CHRNA7: variants seen among roughly 807,000 people sequenced by gnomAD.
CHRNA7 encodes cholinergic receptor nicotinic alpha 7 subunit.
Under a neutral mutation model 48.0 loss-of-function variants are expected in CHRNA7, and 17 were observed. That is an observed-to-expected ratio of 0.35 (90% CI 0.24 to 0.53). The LOEUF is 0.53. Among genes scored for constraint, CHRNA7 ranks in the 20% least tolerant of loss-of-function variants. The pLI is 0.92. For missense variants in CHRNA7, 155 were observed against 577.7 expected (o/e 0.27, Z 7.50); for synonymous variants, 75 against 242.3 (o/e 0.31, Z 6.41).
chr15:32,127,248 G>A (rs1031978566), intron 4 of CHRNA7, among the ~76,000 whole-genome samples: 6 of 152,032 alleles, frequency 3.9e-5, no homozygotes, highest in Admixed American at 1.3e-4. Flanking sequence ...TCAGTTTTTC[G>A]CTATTGCAAT....
chr15:32,108,582 T>C (rs2050710301), intron 3 of CHRNA7, among the ~76,000 whole-genome samples: 1 of 152,162 alleles, frequency 6.6e-6, no homozygotes, highest in Non-Finnish European at 1.5e-5. Context: ...CTGTGGGGGT[T>C]GCTGGTGGGG....
chr15:32,038,917 A>G (rs2049398689), intron 2 of CHRNA7, among the ~76,000 whole-genome samples: 1 of 152,112 alleles, frequency 6.6e-6, no homozygotes. Context: ...TTGGAAGGTT[A>G]TTATTATTTG....
chr15:32,072,556 G>A (rs1044370195), intron 2 of CHRNA7, among the ~76,000 whole-genome samples: 3 of 152,228 alleles, frequency 2.0e-5, no homozygotes, highest in Non-Finnish European at 2.9e-5. Context: ...AAAAGGCCTT[G>A]AAGGGGTCTC....
chr15:32,104,279 C>A (rs6494224), intron 3 of CHRNA7, among the ~76,000 whole-genome samples: 11 of 152,178 alleles, frequency 7.2e-5, no homozygotes, highest in African/African-American at 2.2e-4. Flanking sequence ...CGTGCCCCCC[C>A]CTCAGGGCCT....
At chr15:32,118,859 A>C (rs530300810) in intron 4 of CHRNA7, among the ~76,000 whole-genome samples, 2 of 152,186 alleles carry the variant, frequency 1.3e-5, no homozygotes, top group African/African-American at 4.8e-5. Context: ...GGTCAGGGAG[A>C]GACCAGGAGA....
intron 3 of CHRNA7, among the ~76,000 whole-genome samples, chr15:32,106,773 T>A (rs2050676770): frequency 1.3e-5 from 2 of 152,232 alleles, no homozygotes; most frequent in South Asian, 4.1e-4. Flanking sequence ...GTCCCAGCCT[T>A]CCTGGGTCCT....
intron 4 of CHRNA7, among the ~76,000 whole-genome samples, chr15:32,121,238 G>A (rs907291959): frequency 6.6e-6 from 1 of 152,178 alleles, no homozygotes; most frequent in Non-Finnish European, 1.5e-5. Context: ...GCTGTCAGTC[G>A]GCCGGGTGGT....
At chr15:32,048,491 T>C (rs1175721894) in intron 2 of CHRNA7, among the ~76,000 whole-genome samples, 1 of 152,248 alleles carries the variant, frequency 6.6e-6, no homozygotes, top group African/African-American at 2.4e-5. Flanking sequence ...TGATAGTTTG[T>C]ATTTCTGTGG....
chr15:32,143,299 T>C (rs1473780115), intron 4 of CHRNA7, among the ~76,000 whole-genome samples: 1 of 152,226 alleles, frequency 6.6e-6, no homozygotes, highest in Admixed American at 6.5e-5. Flanking sequence ...TTTCTTGTGA[T>C]TTCTGTTCTT....
At chr15:32,044,839 A>G (rs2049511606) in intron 2 of CHRNA7, among the ~76,000 whole-genome samples, 1 of 152,218 alleles carries the variant, frequency 6.6e-6, no homozygotes, top group Non-Finnish European at 1.5e-5. Flanking sequence ...CTCAAGAAAA[A>G]GAATTATCTG....
chr15:32,121,831 T>A (rs1356600613), intron 4 of CHRNA7, among the ~76,000 whole-genome samples: 1 of 152,094 alleles, frequency 6.6e-6, no homozygotes, highest in Non-Finnish European at 1.5e-5. Flanking sequence ...TGGAAGGGAC[T>A]AAATGTGGCA....
intron 2 of CHRNA7, among the ~76,000 whole-genome samples, chr15:32,060,888 C>G (rs2049867859): frequency 6.6e-6 from 1 of 152,126 alleles, no homozygotes; most frequent in African/African-American, 2.4e-5. Flanking sequence ...GCTGCTGAAG[C>G]AGGCATCAGA....
chr15:32,137,585 A>G (rs1293448654), intron 4 of CHRNA7, among the ~76,000 whole-genome samples: 1 of 152,246 alleles, frequency 6.6e-6, no homozygotes, highest in African/African-American at 2.4e-5. Context: ...GTAAGTATGT[A>G]GGAGTTTTGA....
intron 2 of CHRNA7, among the ~76,000 whole-genome samples, chr15:32,073,199 G>C (rs927327307): frequency 6.6e-6 from 1 of 152,208 alleles, no homozygotes; most frequent in African/African-American, 2.4e-5. Flanking sequence ...AGTGTACCCA[G>C]GATGCGGGAC....
At chr15:32,122,887 C>CAAAAAAAAAAAAAAAAAAAA (rs61151556) in intron 4 of CHRNA7, among the ~76,000 whole-genome samples, 1 of 107,918 alleles carries the variant, frequency 9.3e-6, no homozygotes, top group East Asian at 3.4e-4. Context: ...GCTCTCAAAG[C>CAAAAAAAAAAAAAAAAAAAA]AAAAAAAAAA....
intron 2 of CHRNA7, among the ~76,000 whole-genome samples, chr15:32,079,194 C>T (rs1566823859): frequency 6.6e-6 from 1 of 152,156 alleles, no homozygotes; most frequent in East Asian, 1.9e-4. Flanking sequence ...CAGCCAATAT[C>T]ATACTGAATG....
chr15:32,128,332 C>T (rs1345713726), intron 4 of CHRNA7, among the ~76,000 whole-genome samples: 1 of 151,904 alleles, frequency 6.6e-6, no homozygotes. Flanking sequence ...GTACAAAACT[C>T]TTGCTGGGTT....
intron 4 of CHRNA7, among the ~76,000 whole-genome samples, chr15:32,127,436 A>G (rs1238722050): frequency 6.6e-6 from 1 of 152,138 alleles, no homozygotes; most frequent in East Asian, 1.9e-4. Flanking sequence ...TGATCAAGTA[A>G]TTCCGCATCC....
At chr15:32,152,070 G>A (rs2051641363) in intron 4 of CHRNA7, among the ~76,000 whole-genome samples, 1 of 152,150 alleles carries the variant, frequency 6.6e-6, no homozygotes, top group Non-Finnish European at 1.5e-5. Context: ...ACCCAGGGTT[G>A]GTTTTAATCA....
Sources: gnomAD v4.1 joint callset for allele counts (sites outside exome capture counted in the v4.1 genomes callset) on GRCh38, gnomAD v4.1.1 for gene constraint, MANE v1.5 for transcripts, NCBI Gene and HGNC (gene_info 2026-07-23, HGNC 2026-07-21) for gene names.